Variants in BCL11B observed in about 807,000 individuals in gnomAD.
BCL11B encodes the protein B-cell lymphoma/leukemia 11B.
A neutral mutation model predicts 49.9 loss-of-function variants in BCL11B; 8 were observed. The ratio of observed to expected loss-of-function variants is 0.16; its 90% CI spans 0.09 to 0.29. The LOEUF (loss-of-function observed/expected upper bound fraction) is 0.29. Ranked by LOEUF, BCL11B falls within the 10% of genes least tolerant of loss-of-function variation. BCL11B has a pLI of 1.00. For missense variants in BCL11B, 1,006 were observed against 1,351.0 expected, an observed-to-expected ratio of 0.74 and a Z score of 4.00; for synonymous variants, 739 against 637.4, an observed-to-expected ratio of 1.16 and a Z score of -2.40.
At chr14:99,270,939 G>A (rs1456693258) in intron 1 of BCL11B, among the ~76,000 whole-genome samples, 9 of 150,894 alleles carry the variant, frequency 6.0e-5, no homozygotes, top group African/African-American at 1.7e-4. Flanking sequence ...CCCCGAGCCC[G>A]AGGCGCGTCC....
At chr14:99,209,096 C>T (rs527276343) in intron 3 of BCL11B, among the ~76,000 whole-genome samples, 36 of 152,266 alleles carry the variant, frequency 2.4e-4, no homozygotes, top group African/African-American at 8.4e-4. Flanking sequence ...AGTCTGAGAC[C>T]TGGTTACAAC....
Position 99,193,175 on chromosome 14 carries a change from C to T in BCL11B, c.641-16980G>A, listed in dbSNP as rs553975957. On this transcript the variant is annotated intron_variant, in intron 3 of 3. Coordinates refer to ENST00000357195, the MANE Select transcript of BCL11B (RefSeq NM_138576.4). The stretch of plus-strand genomic sequence containing the variant: ...CTGGCATCAAGAAACGTAGTGATTT[C>T]GGCCTCTTACAACTGGCTCATCACC... Among the ~76,000 whole-genome samples the T allele has an allele frequency of 1.1e-4, 16 of 152,302 alleles. No individual in the cohort carries two copies. In the East Asian group the frequency reaches 2.5e-3, roughly 24 times the overall value.
At chr14:99,249,289 T>C (rs1026791156) in intron 2 of BCL11B, among the ~76,000 whole-genome samples, 2 of 152,202 alleles carry the variant, frequency 1.3e-5, no homozygotes, top group Non-Finnish European at 2.9e-5. Context: ...CCTCTTTTTT[T>C]ATTTTAATTT....
chr14:99,217,620 C>T (rs1887891414), intron 3 of BCL11B, among the ~76,000 whole-genome samples: 1 of 152,210 alleles, frequency 6.6e-6, no homozygotes, highest in Non-Finnish European at 1.5e-5. Flanking sequence ...CACCCCCTGG[C>T]CTCTGAGCTG....
At chr14:99,180,768 T>A (rs1440334864) in intron 3 of BCL11B, among the ~76,000 whole-genome samples, 1 of 152,180 alleles carries the variant, frequency 6.6e-6, no homozygotes, top group African/African-American at 2.4e-5. Context: ...AGTGATGACT[T>A]TCAGTATAAC....
chr14:99,216,912 A>G (rs997499672), intron 3 of BCL11B, among the ~76,000 whole-genome samples: 11 of 133,142 alleles, frequency 8.3e-5, no homozygotes, highest in African/African-American at 2.7e-4. Context: ...AGACATATAC[A>G]TATGTACTCA....
Position 99,257,541 on chromosome 14 carries a change from G to T in BCL11B, c.357C>A (p.Val119=), listed in dbSNP as rs755697354. ...GCAGGTGGTCATCTTCGTCGGGGGT[G>T]ACTTGGATCCCGATCTCCACCGGCT... The part of the protein sequence containing the change: ...VSEPVEIGIQ[V]TPDEDDHLLS... Residue 119 remains valine (V), a synonymous_variant, in exon 2 of 4, where the codon GTC becomes GTA. Coordinates refer to ENST00000357195, the MANE Select transcript of BCL11B (RefSeq NM_138576.4). This position sits in a 1 kb window ranked among gnomAD's most constrained non-coding sequence, Gnocchi z 6.2. The T allele has an allele frequency of 1.9e-6, 3 of 1,613,868 alleles. No homozygotes were observed. In the African/African-American group the frequency reaches 4.0e-5, roughly 22 times the overall value.
At position 99,231,423 on chromosome 14, in the gene BCL11B, C is replaced by T; in HGVS notation, c.562G>A (p.Ala188Thr). Residue 188 changes from alanine (A) to threonine (T), a missense_variant, in exon 3 of 4, where the codon GCG becomes ACG. This residue lies in a region of BCL11B where 411 missense variants were observed against 542.2 expected (regional missense o/e 0.76). Coordinates refer to ENST00000357195, the MANE Select transcript of BCL11B (RefSeq NM_138576.4). The surrounding 1 kb of genome is among the most constrained non-coding windows in gnomAD (Gnocchi z 8.1). ...GTCCCGTCACCCGAGACCGGGCGCG[C>T]GCTGCAGCACGGCAGGGGGAGGCAG... ...PPCLPLPCCS[A>T]RPVSGDGTQG... 1.6e-5 allele frequency: 26 copies of T among 1,595,196 alleles called. 1 individual carries two copies. The highest frequency in any genetic ancestry group is 2.3e-5 in the South Asian group (2 of 88,422).
chr14:99,267,336 GA>G (rs1288245706), intron 1 of BCL11B, among the ~76,000 whole-genome samples: 9 of 152,086 alleles, frequency 5.9e-5, no homozygotes. Context: ...TTCAGGTAGG[GA>G]AAAAAGACCC....
intron 1 of BCL11B, among the ~76,000 whole-genome samples, chr14:99,264,984 C>A (rs1022968683): frequency 7.2e-5 from 11 of 152,046 alleles, no homozygotes; most frequent in Admixed American, 7.2e-4. Flanking sequence ...TCCCTGGGAC[C>A]GGAAGGAAGC....
At chr14:99,220,591 A>G (rs1887978885) in intron 3 of BCL11B, among the ~76,000 whole-genome samples, 1 of 152,140 alleles carries the variant, frequency 6.6e-6, no homozygotes, top group African/African-American at 2.4e-5. Context: ...GGAAATGGGA[A>G]GTTAGTGTTT....
At position 99,267,503 on chromosome 14, in the gene BCL11B, T is replaced by C. The variant is rs1889516818; in HGVS notation, c.58+3658A>G. 3.4e-5 allele frequency among the ~76,000 whole-genome samples: 5 copies of C among 147,424 alleles called. No homozygotes were observed. In the Admixed American group the frequency reaches 3.4e-4, roughly 10 times the overall value. ...CAGCTGACTTATATCACACTTCTAA[T>C]GATATGGGGTTCCCTTCTGTGCAGA... is the stretch of plus-strand genomic sequence containing the variant. On this transcript the variant is annotated intron_variant, in intron 1 of 3. Transcript: ENST00000357195.
intron 3 of BCL11B, among the ~76,000 whole-genome samples, chr14:99,188,363 T>TC (rs1886918239): frequency 6.6e-6 from 1 of 152,162 alleles, no homozygotes; most frequent in Non-Finnish European, 1.5e-5. Flanking sequence ...GCAAGTAATT[T>TC]CCCCCCAGTG....
In BCL11B at chr14:99,262,195, C is replaced by T. The variant is rs1373877277; in HGVS notation, c.59-4356G>A. Among the ~76,000 whole-genome samples, 3 of 152,240 alleles carry T rather than the reference C, an allele frequency of 2.0e-5. No homozygotes were observed. The highest frequency in any genetic ancestry group is 4.4e-5 in the Non-Finnish European group (3 of 68,042). ...GGGCCTTACCTGGCCAGTGACTCCC[C>T]CACACACAGGGTGCCAAGGACCCCG... On this transcript the variant is annotated intron_variant, in intron 1 of 3. Coordinates refer to ENST00000357195, the MANE Select transcript of BCL11B (RefSeq NM_138576.4). This position sits in a 1 kb window ranked among gnomAD's most constrained non-coding sequence, Gnocchi z 4.2.
In BCL11B at chr14:99,213,768, C is replaced by T. The variant is rs1887753716; in HGVS notation, c.640+17577G>A. Among the ~76,000 whole-genome samples the T allele has an allele frequency of 6.6e-6, 1 of 152,172 alleles. No homozygotes were observed. ...GGCACATCCTGTCCCCTCTCTGGGG[C>T]ACTGCTTGGAGAGCATCTGGCAACA... is the stretch of plus-strand genomic sequence containing the variant. On this transcript the variant is annotated intron_variant, in intron 3 of 3. Coordinates refer to ENST00000357195, the MANE Select transcript of BCL11B (RefSeq NM_138576.4). This position sits in a 1 kb window ranked among gnomAD's most constrained non-coding sequence, Gnocchi z 5.1.
chr14:99,210,418 C>A (rs74371709), intron 3 of BCL11B, among the ~76,000 whole-genome samples: 1 of 152,282 alleles, frequency 6.6e-6, no homozygotes, highest in East Asian at 1.9e-4. Flanking sequence ...CCACAGTAAA[C>A]AGGAGGCACA....
chr14:99,214,671 AAAATAAAT>A (rs575159102), intron 3 of BCL11B, among the ~76,000 whole-genome samples: 1 of 151,540 alleles, frequency 6.6e-6, no homozygotes, highest in Non-Finnish European at 1.5e-5. Flanking sequence ...AAATATTAAA[AAAATAAAT>A]AAATAAATAA....
In BCL11B at chr14:99,174,748, C is replaced by A; in HGVS notation, c.2088G>T (p.Leu696=). ...CGGACGGGATGAGCGCGGCGGGCGGCAGCTCCAGGTCCTTCTCCACCTTGA... is the reference window on the plus strand; with the variant it reads ...CGGACGGGATGAGCGCGGCGGGCGGAAGCTCCAGGTCCTTCTCCACCTTGA... The part of the protein sequence containing the change: ...KRIKVEKDLE[L]PPAALIPSEN... Residue 696 remains leucine, a synonymous_variant, in exon 4 of 4, where the codon CTG becomes CTT. Transcript: ENST00000357195. 6.6e-7 allele frequency: 1 copy of A among 1,520,048 alleles called. No homozygotes were observed. The highest frequency in any genetic ancestry group is 8.8e-7 in the Non-Finnish European group (1 of 1,134,110). 94.2% of individuals were successfully genotyped at this position (1,520,048 alleles called of 1,614,324 possible).
In BCL11B at chr14:99,271,314, T is replaced by C. The variant is rs527432064; in HGVS notation, c.-96A>G. 824 of 849,260 alleles carry C rather than the reference T, an allele frequency of 9.7e-4. 6 individuals are homozygous for C. In the African/African-American group the frequency reaches 0.013, roughly 13 times the overall value. The allele number at this position is 849,260 out of a possible 1,614,324, so 52.6% of individuals were successfully genotyped here. ...GCCGCCGCCGCGCCGCTGCCGCCGCTGCCGCCGCCGCCGCCGCCGCCGCAC... is the reference window on the plus strand; with the variant it reads ...GCCGCCGCCGCGCCGCTGCCGCCGCCGCCGCCGCCGCCGCCGCCGCCGCAC... On this transcript the variant is annotated 5_prime_UTR_variant, in exon 1 of 4. Transcript: ENST00000357195.
Sources: gnomAD v4.1 joint callset for allele counts (sites outside exome capture counted in the v4.1 genomes callset) on GRCh38, gnomAD v4.1.1 for gene constraint, gnomAD v4.1.1 regional missense constraint, Gnocchi (gnomAD v3.1) non-coding constraint, MANE v1.5 for transcripts, NCBI Gene and HGNC (gene_info 2026-07-23, HGNC 2026-07-21) for gene names.